WSCD2: variants seen among roughly 807,000 people sequenced by gnomAD.
WSCD2 encodes the protein WSC domain sialate O sulfotransferase 2, also known as sialate:O-sulfotransferase 2.
A neutral mutation model predicts 55.7 loss-of-function variants in WSCD2; 28 were observed. The ratio of observed to expected loss-of-function variants is 0.50; its 90% CI spans 0.37 to 0.69. The LOEUF (loss-of-function observed/expected upper bound fraction) is 0.69, where lower values mean the gene tolerates loss of function less well. WSCD2 is among the 30% of genes least tolerant of loss of function. The pLI is 0.00. For synonymous variants in WSCD2, 301 were observed against 301.9 expected (o/e 1.00, Z 0.03); for missense variants, 616 against 762.1 (o/e 0.81, Z 2.26).
At position 108,250,115 on chromosome 12, in the gene WSCD2, T is replaced by C. The variant is rs1890348358; in HGVS notation, c.*1772T>C. The stretch of plus-strand genomic sequence containing the variant: ...CATTAAATGCGAGTTTTGTTGATGA[T>C]TCTACCATGTGGTAGAGTGTTGTGT... On this transcript the variant is annotated 3_prime_UTR_variant, in exon 9 of 9. Coordinates refer to ENST00000547525, the MANE Select transcript of WSCD2 (RefSeq NM_014653.4). 6.6e-6 allele frequency: 1 copy of C among 152,094 alleles called. No homozygotes were observed. Among genetic ancestry groups the C allele is most frequent in the Non-Finnish European group, 1.5e-5 (1 of 68,026 alleles). The allele number at this position is 152,094 out of a possible 1,614,324, so 9.4% of individuals were successfully genotyped here. A position where few individuals can be genotyped will look rare whatever the true frequency, so the allele number is the denominator to read the frequency against.
chr12:108,140,883 A>G (rs1168258775), intron 1 of WSCD2, among the ~76,000 whole-genome samples: 2 of 152,232 alleles, frequency 1.3e-5, no homozygotes, highest in East Asian at 1.9e-4. Flanking sequence ...AGCTGGGACT[A>G]GAACGTGGGC....
intron 1 of WSCD2, among the ~76,000 whole-genome samples, chr12:108,133,592 C>T (rs1875850686): frequency 6.6e-6 from 1 of 152,158 alleles, no homozygotes. Flanking sequence ...CACTCTTCTC[C>T]CTGCTCCTCA....
intron 1 of WSCD2, among the ~76,000 whole-genome samples, chr12:108,190,448 A>T (rs1883020302): frequency 6.6e-6 from 1 of 151,970 alleles, no homozygotes; most frequent in Admixed American, 6.6e-5. Flanking sequence ...GGTGCTGGGG[A>T]TTACAGAGAG....
intron 4 of WSCD2, among the ~76,000 whole-genome samples, chr12:108,216,067 A>C (rs1056479209): frequency 6.6e-6 from 1 of 152,182 alleles, no homozygotes; most frequent in Non-Finnish European, 1.5e-5. Context: ...AAATTCAGGT[A>C]GCTGGAATGG....
At chr12:108,205,539 A>G (rs998680651) in intron 2 of WSCD2, among the ~76,000 whole-genome samples, 2 of 152,174 alleles carry the variant, frequency 1.3e-5, no homozygotes, top group African/African-American at 4.8e-5. Context: ...ATGATTTATA[A>G]TTGGATGGTT....
intron 1 of WSCD2, among the ~76,000 whole-genome samples, chr12:108,166,736 C>A (rs1879642553): frequency 1.5e-5 from 1 of 64,758 alleles, no homozygotes; most frequent in South Asian, 6.2e-4. Flanking sequence ...CTCTTTCTTT[C>A]TTTCTTTCCT....
intron 1 of WSCD2, among the ~76,000 whole-genome samples, chr12:108,176,463 G>C (rs1212880733): frequency 6.6e-6 from 1 of 152,208 alleles, no homozygotes; most frequent in Non-Finnish European, 1.5e-5. Context: ...TGATGCCTTT[G>C]AGGTTTATCA....
At chr12:108,235,965 G>A (rs141173701) in intron 7 of WSCD2, among the ~76,000 whole-genome samples, 103 of 152,142 alleles carry the variant, frequency 6.8e-4, no homozygotes, top group African/African-American at 2.4e-3. Context: ...ACATCACCTT[G>A]CAGCTGAAAG....
At chr12:108,233,856 G>A (rs559421765) in intron 7 of WSCD2, among the ~76,000 whole-genome samples, 118 of 152,356 alleles carry the variant, frequency 7.7e-4, no homozygotes, top group Middle Eastern at 3.4e-3. Flanking sequence ...TCCTCCTGTG[G>A]GAGACTTTGC....
chr12:108,178,249 G>A (rs1411158201), intron 1 of WSCD2, among the ~76,000 whole-genome samples: 2 of 152,072 alleles, frequency 1.3e-5, no homozygotes, highest in Non-Finnish European at 2.9e-5. Context: ...CTTCCCTCTG[G>A]ATGTATCTGT....
chr12:108,247,889 C>A, intron 8 of WSCD2, 102 bp from the exon 9 acceptor site: 1 of 1,248,720 alleles, frequency 8.0e-7, no homozygotes, highest in Non-Finnish European at 1.1e-6. Flanking sequence ...AATTGTGTTA[C>A]CGTGTTGTGC....
intron 8 of WSCD2, among the ~76,000 whole-genome samples, chr12:108,241,010 C>G (rs1444021137): frequency 2.0e-5 from 3 of 152,144 alleles, no homozygotes; most frequent in African/African-American, 7.2e-5. Flanking sequence ...TTGATGGAAG[C>G]AGGTTAAAGA....
At chr12:108,175,347 A>G (rs561278144) in intron 1 of WSCD2, among the ~76,000 whole-genome samples, 116 of 152,040 alleles carry the variant, frequency 7.6e-4, no homozygotes, top group African/African-American at 2.7e-3. Context: ...CTGCACAGAG[A>G]CCCCAGGGTT....
intron 1 of WSCD2, among the ~76,000 whole-genome samples, chr12:108,190,793 G>T (rs542010360): frequency 2.0e-5 from 3 of 152,328 alleles, no homozygotes; most frequent in Admixed American, 6.5e-5. Flanking sequence ...CCAGCCCTGG[G>T]GGGGAGGCAG....
At chr12:108,154,714 T>C (rs558125840) in intron 1 of WSCD2, among the ~76,000 whole-genome samples, 2 of 152,176 alleles carry the variant, frequency 1.3e-5, no homozygotes, top group Non-Finnish European at 2.9e-5. Context: ...CATTAACATT[T>C]CTTTTTCGGA....
intron 1 of WSCD2, among the ~76,000 whole-genome samples, chr12:108,152,078 T>G: frequency 6.6e-6 from 1 of 152,126 alleles, no homozygotes; most frequent in Admixed American, 6.5e-5. Flanking sequence ...ATGAGGGCAT[T>G]TAGCTGCACT....
chr12:108,186,434 G>A lies in WSCD2; in HGVS notation c.-551-8848G>A, dbSNP rs572771231. Among the ~76,000 whole-genome samples, 31 of 152,280 alleles carry A rather than the reference G, an allele frequency of 2.0e-4. No individual in the cohort carries two copies. The South Asian group carries it at 6.0e-3, about 30-fold the overall frequency. On this transcript the variant is annotated intron_variant, in intron 1 of 8. Coordinates refer to ENST00000547525, the MANE Select transcript of WSCD2 (RefSeq NM_014653.4). ...GTACCTTCTGTAGGTTTGGACAAAT[G>A]TATAATGACATGTGTCCACCATTAT...
At chr12:108,220,964 AG>A (rs1388287464) in intron 4 of WSCD2, among the ~76,000 whole-genome samples, 3 of 152,188 alleles carry the variant, frequency 2.0e-5, no homozygotes, top group African/African-American at 4.8e-5. Flanking sequence ...TAACACTGGA[AG>A]CCAGCTAGCC....
At chr12:108,139,448 G>A (rs1051508179) in intron 1 of WSCD2, among the ~76,000 whole-genome samples, 4 of 152,172 alleles carry the variant, frequency 2.6e-5, no homozygotes, top group Non-Finnish European at 4.4e-5. Context: ...GTTCAGGTGG[G>A]GAGGAGATTA....
Sources: gnomAD v4.1 joint callset for allele counts (sites outside exome capture counted in the v4.1 genomes callset) on GRCh38, gnomAD v4.1.1 for gene constraint, MANE v1.5 for transcripts, NCBI Gene and HGNC (gene_info 2026-07-23, HGNC 2026-07-21) for gene names.